The following HS3ST4 variants were observed in gnomAD, a reference collection of about 807,000 sequenced individuals.
The protein encoded by HS3ST4 is heparan sulfate glucosamine 3-O-sulfotransferase 4.
In HS3ST4, 17 loss-of-function variants were observed where a neutral mutation model predicts 29.2. The observed-to-expected ratio is 0.58, with a 90% CI of 0.40 to 0.87. The LOEUF (loss-of-function observed/expected upper bound fraction) is 0.87. Ranked by LOEUF, HS3ST4 falls within the 40% of genes least tolerant of loss-of-function variation. The probability of loss-of-function intolerance (pLI) is 0.00; values close to 1 mark genes in which losing one functional copy is unlikely to be tolerated. For synonymous variants in HS3ST4, 314 were observed against 285.7 expected (o/e 1.10, Z -1.00); for missense variants, 627 against 634.5 (o/e 0.99, Z 0.13).
rs1966262782 is a variant in HS3ST4, at chr16:25,692,682, G to A, written c.265G>A (p.Val89Met). 1.6e-6 allele frequency: 2 copies of A among 1,241,670 alleles called. No individual in the cohort carries two copies. Among genetic ancestry groups the A allele is most frequent in the East Asian group, 3.5e-5 (1 of 28,556 alleles). 76.9% of individuals were successfully genotyped at this position (1,241,670 alleles called of 1,614,324 possible). The stretch of plus-strand genomic sequence containing the variant: ...GCCACCCTCTCTGCTGCCTACCCCC[G>A]TGCGCCTCGGCGCCCCCTCGCAGCC... The part of the protein sequence containing the change: ...PPPPSLLPTP[V>M]RLGAPSQPPA... Residue 89 changes from valine to methionine, a missense_variant, in exon 1 of 2, where the codon GTG (valine) becomes ATG (methionine). Coordinates refer to ENST00000331351, the MANE Select transcript of HS3ST4 (RefSeq NM_006040.3).
intron 1 of HS3ST4, among the ~76,000 whole-genome samples, chr16:25,981,971 G>T (rs1156958397): frequency 6.6e-6 from 1 of 152,154 alleles, no homozygotes; most frequent in Non-Finnish European, 1.5e-5. Flanking sequence ...CTTTCCATGG[G>T]GAATCTAGGA....
At chr16:25,765,767 C>G (rs17625954) in intron 1 of HS3ST4, among the ~76,000 whole-genome samples, 58,533 of 151,980 alleles carry the variant, frequency 0.39, 13,040 homozygotes, top group Non-Finnish European at 0.52. Context: ...GTTGGCCAAC[C>G]TGTAGACCTA....
intron 1 of HS3ST4, among the ~76,000 whole-genome samples, chr16:25,844,941 G>A (rs56963146): frequency 0.14 from 21,589 of 152,124 alleles, 1,714 homozygotes; most frequent in Admixed American, 0.23. Flanking sequence ...GCAAACTAAT[G>A]TGAGAACAGA....
At chr16:26,038,414 C>A (rs1296849589) in intron 1 of HS3ST4, among the ~76,000 whole-genome samples, 2 of 152,106 alleles carry the variant, frequency 1.3e-5, no homozygotes, top group Non-Finnish European at 2.9e-5. Flanking sequence ...AGAATAAAAT[C>A]ACAAGGAAAC....
At chr16:25,850,310 T>G (rs1967505608) in intron 1 of HS3ST4, among the ~76,000 whole-genome samples, 1 of 152,274 alleles carries the variant, frequency 6.6e-6, no homozygotes, top group Middle Eastern at 3.4e-3. Context: ...AACACTCACT[T>G]GTAGCATCAA....
rs115321121 is a variant in HS3ST4 at position 25,887,992 on chromosome 16, C to T, written c.734+194841C>T. Among the ~76,000 whole-genome samples the T allele has an allele frequency of 4.0e-3, 612 of 152,226 alleles. 6 individuals carry two copies. Among genetic ancestry groups the T allele is most frequent in the African/African-American group, 0.014 (565 of 41,550 alleles). On this transcript the variant is annotated intron_variant, in intron 1 of 1. Transcript: ENST00000331351. ...GATTATAGGCATGAGCCACCGCGCCCGTCCCGCTACACTTGATTTGGGGTG... is the reference window on the plus strand; with the variant it reads ...GATTATAGGCATGAGCCACCGCGCCTGTCCCGCTACACTTGATTTGGGGTG...
intron 1 of HS3ST4, among the ~76,000 whole-genome samples, chr16:25,977,923 G>T (rs888229028): frequency 3.8e-4 from 58 of 152,136 alleles, no homozygotes; most frequent in Non-Finnish European, 1.2e-4. Context: ...CTTGGAGATG[G>T]GCAAGTTGTA....
intron 1 of HS3ST4, among the ~76,000 whole-genome samples, chr16:26,110,604 C>T (rs889924279): frequency 5.9e-5 from 9 of 152,290 alleles, no homozygotes; most frequent in Admixed American, 3.9e-4. Context: ...CCCACTTCAC[C>T]GCTCTCATCG....
At chr16:25,823,833 A>G (rs1189261530) in intron 1 of HS3ST4, among the ~76,000 whole-genome samples, 1 of 152,200 alleles carries the variant, frequency 6.6e-6, no homozygotes, top group Non-Finnish European at 1.5e-5. Context: ...CAAAGTCATG[A>G]GATTACAGGC....
chr16:26,020,060 C>G (rs575383284), intron 1 of HS3ST4, among the ~76,000 whole-genome samples: 17 of 152,260 alleles, frequency 1.1e-4, no homozygotes, highest in South Asian at 4.2e-4. Flanking sequence ...CACCGCCCCC[C>G]CTACCAAATA....
chr16:25,755,250 T>C (rs1299836364), intron 1 of HS3ST4, among the ~76,000 whole-genome samples: 1 of 152,194 alleles, frequency 6.6e-6, no homozygotes, highest in East Asian at 1.9e-4. Context: ...AGAAACTCCA[T>C]ACTATTAAAA....
At chr16:25,840,088 T>A (rs1181883062) in intron 1 of HS3ST4, among the ~76,000 whole-genome samples, 2 of 152,214 alleles carry the variant, frequency 1.3e-5, no homozygotes, top group African/African-American at 4.8e-5. Context: ...TTCTGGTCGA[T>A]CTCTTCTTAC....
intron 1 of HS3ST4, among the ~76,000 whole-genome samples, chr16:25,856,745 A>T (rs1174036733): frequency 6.6e-6 from 1 of 152,210 alleles, no homozygotes; most frequent in Non-Finnish European, 1.5e-5. Flanking sequence ...TGGGTTGGAC[A>T]AGCTTGCTCT....
chr16:26,005,240 T>G (rs1010139141), intron 1 of HS3ST4, among the ~76,000 whole-genome samples: 4 of 152,164 alleles, frequency 2.6e-5, no homozygotes, highest in African/African-American at 4.8e-5. Context: ...AGTGTAAAAG[T>G]GAAATTTTTA....
At chr16:26,065,910 C>T (rs571810807) in intron 1 of HS3ST4, among the ~76,000 whole-genome samples, 1 of 152,320 alleles carries the variant, frequency 6.6e-6, no homozygotes, top group South Asian at 2.1e-4. Flanking sequence ...CTTGCACTGG[C>T]TTCTTAGTTG....
intron 1 of HS3ST4, among the ~76,000 whole-genome samples, chr16:26,011,710 GAGAC>G (rs1969312860): frequency 2.7e-5 from 3 of 110,542 alleles, no homozygotes; most frequent in Admixed American, 9.4e-5. Flanking sequence ...GTGTGAGAGA[GAGAC>G]AGAGAGAGGT....
At chr16:25,698,438 T>C (rs1379730418) in intron 1 of HS3ST4, among the ~76,000 whole-genome samples, 1 of 152,192 alleles carries the variant, frequency 6.6e-6, no homozygotes, top group African/African-American at 2.4e-5. Flanking sequence ...GCACTGTTTT[T>C]GTTGCTGGAC....
intron 1 of HS3ST4, among the ~76,000 whole-genome samples, chr16:25,776,913 T>C (rs1966848005): frequency 6.6e-6 from 1 of 152,246 alleles, no homozygotes; most frequent in Admixed American, 6.5e-5. Flanking sequence ...TGTCTAATTC[T>C]ACTGATTGAA....
intron 1 of HS3ST4, among the ~76,000 whole-genome samples, chr16:25,932,803 C>T (rs8051536): frequency 0.56 from 84,762 of 151,856 alleles, 24,964 homozygotes; most frequent in African/African-American, 0.71. Context: ...GGCAAAGCAG[C>T]TCCTAAGTGG....
Sources: gnomAD v4.1 joint callset for allele counts (sites outside exome capture counted in the v4.1 genomes callset) on GRCh38, gnomAD v4.1.1 for gene constraint, MANE v1.5 for transcripts, NCBI Gene and HGNC (gene_info 2026-07-23, HGNC 2026-07-21) for gene names.